The following SLC26A3 variants were observed in gnomAD, a reference collection of about 807,000 sequenced individuals.
SLC26A3 encodes the protein chloride anion exchanger.
In SLC26A3, 64 loss-of-function variants were observed where a neutral mutation model predicts 85.6. The ratio of observed to expected loss-of-function variants is 0.75; its 90% CI spans 0.61 to 0.92. SLC26A3 has a LOEUF of 0.92. Ranked by LOEUF, SLC26A3 falls within the 40% of genes least tolerant of loss-of-function variation. The pLI is 0.00. For synonymous variants in SLC26A3, 349 were observed against 336.0 expected (o/e 1.04, Z -0.42); for missense variants, 922 against 927.3 (o/e 0.99, Z 0.07).
At chr7:107,792,555 G>A (rs73419914) in intron 3 of SLC26A3, among the ~76,000 whole-genome samples, 1,759 of 152,174 alleles carry the variant, frequency 0.012, 32 homozygotes, top group African/African-American at 0.04. Context: ...CTAACAGGAG[G>A]TGGAGCTCAG....
At chr7:107,789,251 G>A (rs1007820228) in intron 6 of SLC26A3, among the ~76,000 whole-genome samples, 41 of 151,322 alleles carry the variant, frequency 2.7e-4, no homozygotes, top group Non-Finnish European at 4.9e-4. Context: ...GGAGTAGCTG[G>A]GACTACAGGT....
At chr7:107,787,569 C>A (rs553267155) in intron 6 of SLC26A3, 60 bp from the exon 7 acceptor site, 3 of 1,398,828 alleles carry the variant, frequency 2.1e-6, no homozygotes, top group African/African-American at 1.4e-5. Context: ...TTGGATACAA[C>A]GCATCTCCAA....
intron 5 of SLC26A3, 71 bp from the exon 6 acceptor site, chr7:107,789,759 C>A: frequency 6.9e-7 from 1 of 1,458,872 alleles, no homozygotes; most frequent in Non-Finnish European, 9.4e-7. Context: ...GGATCCGCAA[C>A]TGAAATAATA....
intron 1 of SLC26A3, 143 bp from the exon 2 acceptor site, chr7:107,794,740 AGCGATG>A: frequency 1.9e-6 from 1 of 537,300 alleles, no homozygotes. Context: ...GTTTTGCGAC[AGCGATG>A]TTTTATTCCA....
chr7:107,791,010 C>T (rs776516718), intron 5 of SLC26A3, 38 bp downstream of exon 5: 6 of 1,602,468 alleles, frequency 3.7e-6, no homozygotes, highest in Non-Finnish European at 5.1e-6. Flanking sequence ...TCAAGATGAA[C>T]AGATTGAGGT....
intron 6 of SLC26A3, among the ~76,000 whole-genome samples, chr7:107,788,784 C>CTTTTTTTTTTTTTTTTTTTTCT (rs71861759): frequency 9.3e-6 from 1 of 108,064 alleles, no homozygotes; most frequent in Non-Finnish European, 1.9e-5. Flanking sequence ...TTTTTCTTTT[C>CTTTTTTTTTTTTTTTTTTTTCT]TTTTTTTTTT....
At chr7:107,794,058 A>T (rs1242126819) in intron 2 of SLC26A3, among the ~76,000 whole-genome samples, 177 bp from the exon 3 acceptor site, 1 of 152,226 alleles carries the variant, frequency 6.6e-6, no homozygotes, top group Non-Finnish European at 1.5e-5. Context: ...AGGATTTTTT[A>T]AAATGCTTGC....
intron 18 of SLC26A3, 55 bp from the exon 19 acceptor site, chr7:107,767,963 T>C: frequency 6.4e-7 from 1 of 1,559,286 alleles, no homozygotes; most frequent in Non-Finnish European, 8.8e-7. Context: ...GGCTACCGGT[T>C]TCCCCTTGAG....
chr7:107,770,000 C>CTCTCTCTTTCTT (rs1554377065), intron 18 of SLC26A3, among the ~76,000 whole-genome samples: 3 of 130,994 alleles, frequency 2.3e-5, no homozygotes, highest in African/African-American at 5.5e-5. Flanking sequence ...TTCCTTTTTT[C>CTCTCTCTTTCTT]TCTTTCTTTC....
chr7:107,795,526 A>G (rs777203089), intron 1 of SLC26A3, among the ~76,000 whole-genome samples: 16 of 152,060 alleles, frequency 1.1e-4, no homozygotes, highest in Non-Finnish European at 2.4e-4. Context: ...TTATTATTTT[A>G]TTCTTACAAA....
chr7:107,778,354 A>C (rs1794155695), intron 12 of SLC26A3, 73 bp from the exon 13 acceptor site: 5 of 732,016 alleles, frequency 6.8e-6, no homozygotes, highest in Non-Finnish European at 1.1e-5. Flanking sequence ...GGGTCTTTTA[A>C]AAAGACTTTT....
At position 107,787,469 on chromosome 7, in the gene SLC26A3, A is replaced by T; in HGVS notation, c.776T>A (p.Ile259Asn). 6.2e-7 allele frequency: 1 copy of T among 1,613,818 alleles called. No individual in the cohort carries two copies. Among genetic ancestry groups the T allele is most frequent in the Non-Finnish European group, 8.5e-7 (1 of 1,179,728 alleles). ...AATCAGAGCTGTCACCAGGTCTGCA[A>T]TATTAGTCTTCTCTATTTGTGAGAA... Reference protein sequence around the residue: ...SVFSQIEKTNIADLVTALIVL... With the variant: ...SVFSQIEKTNNADLVTALIVL... Residue 259 changes from isoleucine to asparagine, a missense_variant, in exon 7 of 21, where the codon ATT (isoleucine) becomes AAT (asparagine). Transcript: ENST00000340010.
At chr7:107,792,137 T>C (rs1454011430) in intron 3 of SLC26A3, among the ~76,000 whole-genome samples, 197 bp from the exon 4 acceptor site, 2 of 152,206 alleles carry the variant, frequency 1.3e-5, no homozygotes, top group Non-Finnish European at 2.9e-5. Flanking sequence ...CTTTGTGACC[T>C]GGATTTGTCA....
chr7:107,786,937 G>T, intron 7 of SLC26A3, 28 bp from the exon 8 acceptor site: 1 of 1,574,998 alleles, frequency 6.3e-7, no homozygotes. Flanking sequence ...GCCCAAGTTA[G>T]AAATGTGAGA....
intron 1 of SLC26A3, among the ~76,000 whole-genome samples, chr7:107,798,475 C>G (rs1167302073): frequency 6.6e-6 from 1 of 152,170 alleles, no homozygotes; most frequent in African/African-American, 2.4e-5. Context: ...TGGCCCTGAC[C>G]TTTCCACTCA....
intron 15 of SLC26A3, 32 bp downstream of exon 15, chr7:107,776,419 CA>C (rs760765874): frequency 6.6e-7 from 1 of 1,523,764 alleles, no homozygotes; most frequent in South Asian, 1.1e-5. Context: ...AGTAAGATTA[CA>C]AGGAAAAAAA....
At position 107,794,436 on chromosome 7, in the gene SLC26A3, T is replaced by A. The variant is rs375084378; in HGVS notation, c.74A>T (p.His25Leu). 1.2e-6 allele frequency: 2 copies of A among 1,614,046 alleles called. No homozygotes were observed. Among genetic ancestry groups the A allele is most frequent in the Non-Finnish European group, 1.7e-6 (2 of 1,179,886 alleles). The change falls in exon 2 of 21, where the codon CAT (histidine) becomes CTT (leucine). Residue 25 changes from histidine to leucine, a missense_variant. Transcript: ENST00000340010. ...CTTATGATGTCTTCCTGTCTTTTTA[T>A]GATTTTCCTCAAAAGCATTTGTAGA... ...VYSTNAFEENHKKTGRHHKTF... is the reference protein window; with the variant it reads ...VYSTNAFEENLKKTGRHHKTF...
Position 107,783,070 on chromosome 7 carries a change from A to G in SLC26A3, c.1143T>C (p.Gly381=). ...GNQELIALGL[G]NIVCGVFRGF... ...CTCTGAATACTCCACAGACTATGTT[A>G]CCCAGTCCCAAGGCTATTAACTCCT... The change falls in exon 10 of 21, where the codon GGT becomes GGC. Residue 381 remains glycine (G), a synonymous_variant. Transcript: ENST00000340010. 1 of 1,614,168 alleles carries G rather than the reference A, an allele frequency of 6.2e-7. No homozygotes were observed. Among genetic ancestry groups the G allele is most frequent in the South Asian group, 1.1e-5 (1 of 91,088 alleles).
chr7:107,794,730 GT>G, intron 1 of SLC26A3, 133 bp from the exon 2 acceptor site: 1 of 546,088 alleles, frequency 1.8e-6, no homozygotes, highest in South Asian at 2.1e-5. Context: ...CCTAGATTGT[GT>G]TTTGCGACAG....
Sources: gnomAD v4.1 joint callset for allele counts (sites outside exome capture counted in the v4.1 genomes callset) on GRCh38, gnomAD v4.1.1 for gene constraint, MANE v1.5 for transcripts, NCBI Gene and HGNC (gene_info 2026-07-23, HGNC 2026-07-21) for gene names.